The following ANKLE2 variants were observed in gnomAD, a reference collection of about 807,000 sequenced individuals.
The protein encoded by ANKLE2 is ankyrin repeat and LEM domain containing 2, also known as ankyrin repeat and LEM domain-containing protein 2.
In ANKLE2, 55 loss-of-function variants were observed where a neutral mutation model predicts 84.2. The observed-to-expected ratio is 0.65, with a 90% confidence interval of 0.53 to 0.82. ANKLE2 has a LOEUF of 0.82. Among genes scored for constraint, ANKLE2 ranks in the 40% least tolerant of loss-of-function variants. The pLI is 0.00. For synonymous variants in ANKLE2, 551 were observed against 486.1 expected (o/e 1.13, Z -1.76); for missense variants, 1,238 against 1,201.9 (o/e 1.03, Z -0.44).
chr12:132,760,915 A>G (rs565766508), intron 1 of ANKLE2: 2 of 152,360 alleles, frequency 1.3e-5, no homozygotes, highest in South Asian at 2.1e-4. Context: ...CCCATCCAGA[A>G]GCTCCCTAGG....
intron 11 of ANKLE2, among the ~76,000 whole-genome samples, chr12:132,728,875 C>G (rs2136101189): frequency 6.6e-6 from 1 of 152,308 alleles, no homozygotes; most frequent in South Asian, 2.1e-4. Flanking sequence ...AGATTGACCC[C>G]AAGATGGCTT....
At chr12:132,746,814 TGTGACTGCCTGTTCCAGTTGGG>T (rs1232803259) in intron 5 of ANKLE2, among the ~76,000 whole-genome samples, 3 of 152,204 alleles carry the variant, frequency 2.0e-5, no homozygotes, top group Admixed American at 6.5e-5. Flanking sequence ...ACCTGGCCTG[TGTGACTGCCTGTTCCAGTTGGG>T]GTGTTGGTTT....
intron 8 of ANKLE2, 54 bp downstream of exon 8, chr12:132,736,839 G>A: frequency 2.0e-6 from 3 of 1,531,210 alleles, no homozygotes; most frequent in Non-Finnish European, 2.6e-6. Context: ...ACACCCAGCA[G>A]CACAGTATAG....
chr12:132,736,092 T>C (rs1366196777), intron 8 of ANKLE2, among the ~76,000 whole-genome samples: 2 of 152,208 alleles, frequency 1.3e-5, no homozygotes, highest in African/African-American at 4.8e-5. Context: ...GCTGGGACTA[T>C]AGGCGCCCAC....
At chr12:132,748,393 G>T (rs2044285169) in intron 3 of ANKLE2, 62 bp from the exon 4 acceptor site, 2 of 1,575,328 alleles carry the variant, frequency 1.3e-6, no homozygotes, top group Non-Finnish European at 8.7e-7. Context: ...CATCACCCAT[G>T]CACCCTCTGA....
intron 3 of ANKLE2, among the ~76,000 whole-genome samples, chr12:132,750,079 C>T (rs542314568): frequency 2.0e-5 from 3 of 151,976 alleles, no homozygotes; most frequent in East Asian, 1.9e-4. Flanking sequence ...GCAGTGTGCA[C>T]CTGTAATCCC....
In ANKLE2 at chr12:132,727,191, G is replaced by T; in HGVS notation, c.*51C>A. 1 of 1,466,776 alleles carries T rather than the reference G, an allele frequency of 6.8e-7. No individual in the cohort carries two copies. The highest frequency in any genetic ancestry group is 1.3e-5 in the South Asian group (1 of 74,244). The allele number at this position is 1,466,776 out of a possible 1,614,324, so 90.9% of individuals were successfully genotyped here. On this transcript the variant is annotated 3_prime_UTR_variant, in exon 13 of 13. Transcript: ENST00000357997. Reference sequence around the variant, plus strand: ...TTTGACAGTTTAGCAATAAACATATGACCCTTCCTTCTTTAAAAATGAAGA... The same window carrying T: ...TTTGACAGTTTAGCAATAAACATATTACCCTTCCTTCTTTAAAAATGAAGA...
intron 5 of ANKLE2, among the ~76,000 whole-genome samples, chr12:132,746,732 C>T (rs914152201): frequency 1.3e-5 from 2 of 152,120 alleles, no homozygotes; most frequent in African/African-American, 4.8e-5. Context: ...CTCACATTAC[C>T]TCATGCTTTA....
At chr12:132,736,804 A>T in intron 8 of ANKLE2, 89 bp downstream of exon 8, 2 of 1,456,100 alleles carry the variant, frequency 1.4e-6, no homozygotes, top group Non-Finnish European at 1.8e-6. Flanking sequence ...GGTCCCTGAG[A>T]CCACGCACAA....
At chr12:132,733,319 T>G (rs1299374416) in intron 10 of ANKLE2, among the ~76,000 whole-genome samples, 3 of 148,214 alleles carry the variant, frequency 2.0e-5, no homozygotes, top group Admixed American at 2.0e-4. Flanking sequence ...GTGCACCGTG[T>G]GAAGCTCTCT....
Position 132,741,390 on chromosome 12 carries a change from A to T in ANKLE2, c.1420+29T>A, listed in dbSNP as rs769231097. The T allele has an allele frequency of 2.5e-6, 4 of 1,611,726 alleles. No individual in the cohort carries two copies. The Admixed American group carries it at 5.0e-5, about 20-fold the overall frequency. ...CAAGGCCCTTCCCGGCGTGGACCCCACGATCCAGGCACCAACTCCCCATCT... is the reference window on the plus strand; with the variant it reads ...CAAGGCCCTTCCCGGCGTGGACCCCTCGATCCAGGCACCAACTCCCCATCT... On this transcript the variant is annotated intron_variant, in intron 7 of 12. Transcript: ENST00000357997.
At chr12:132,738,746 G>T (rs956989003) in intron 7 of ANKLE2, 2 of 151,962 alleles carry the variant, frequency 1.3e-5, no homozygotes, top group African/African-American at 4.8e-5. Flanking sequence ...GGATGGTCTC[G>T]ATCTCCTGAC....
intron 7 of ANKLE2, among the ~76,000 whole-genome samples, chr12:132,739,112 A>C (rs915202654): frequency 5.9e-5 from 9 of 152,138 alleles, no homozygotes; most frequent in African/African-American, 2.2e-4. Flanking sequence ...TTGAGGGTGG[A>C]GGGAGTGAGG....
At chr12:132,755,155 CAA>C (rs1491149452) in intron 1 of ANKLE2, 22 bp from the exon 2 acceptor site, 15 of 1,567,322 alleles carry the variant, frequency 9.6e-6, no homozygotes, top group Middle Eastern at 1.7e-4. Flanking sequence ...ACAAAAAAAT[CAA>C]AGAGTCACAA....
chr12:132,739,571 T>C (rs897307135), intron 7 of ANKLE2, among the ~76,000 whole-genome samples: 3 of 152,214 alleles, frequency 2.0e-5, no homozygotes, highest in African/African-American at 7.2e-5. Context: ...TTTTGGCATA[T>C]TGATTTGAGT....
chr12:132,728,307 G>A lies in ANKLE2; in HGVS notation c.2484-144C>T, dbSNP rs780532669. On this transcript the variant is annotated intron_variant, in intron 11 of 12. Coordinates refer to ENST00000357997, the MANE Select transcript of ANKLE2 (RefSeq NM_015114.3). ...TGCAGTGGCGTGATCTCGGCTCATC[G>A]CAAGCTCCGCCTCCCGGGTTCAAGC... 41 of 927,788 alleles carry A rather than the reference G, an allele frequency of 4.4e-5. 1 individual carries two copies. The highest frequency in any genetic ancestry group is 3.1e-4 in the East Asian group (10 of 32,340). 57.5% of individuals were successfully genotyped at this position (927,788 alleles called of 1,614,324 possible). A position where few individuals can be genotyped will look rare whatever the true frequency, so the allele number is the denominator to read the frequency against.
rs576914661 is a variant in ANKLE2 at position 132,743,624 on chromosome 12, C to T, written c.1231-348G>A. Among the ~76,000 whole-genome samples the T allele has an allele frequency of 2.0e-3, 305 of 151,056 alleles. 2 individuals carry two copies. The highest frequency in any genetic ancestry group is 7.1e-3 in the African/African-American group (290 of 41,088). On this transcript the variant is annotated intron_variant, in intron 5 of 12. Transcript: ENST00000357997. This position sits in a 1 kb window ranked among gnomAD's most constrained non-coding sequence, Gnocchi z 4.1. ...TTTGCCTCCCAAAGTGCTGGGATTA[C>T]AGGTGTGAGTCACCGAGCCTGGCTT...
intron 2 of ANKLE2, among the ~76,000 whole-genome samples, chr12:132,752,052 A>C (rs1432556973): frequency 3.3e-5 from 5 of 152,160 alleles, no homozygotes; most frequent in African/African-American, 1.2e-4. Context: ...GGATAAAAAT[A>C]GCCATAGTTC....
At chr12:132,734,298 A>C in intron 10 of ANKLE2, 87 bp downstream of exon 10, 1 of 1,381,090 alleles carries the variant, frequency 7.2e-7, no homozygotes, top group Non-Finnish European at 1.0e-6. Flanking sequence ...AAACACCAAG[A>C]GACGAGAAAC....
Sources: gnomAD v4.1 joint callset for allele counts (sites outside exome capture counted in the v4.1 genomes callset) on GRCh38, gnomAD v4.1.1 for gene constraint, Gnocchi (gnomAD v3.1) non-coding constraint, MANE v1.5 for transcripts, NCBI Gene and HGNC (gene_info 2026-07-23, HGNC 2026-07-21) for gene names.